ERC1: variants seen among roughly 807,000 people sequenced by gnomAD.
The protein encoded by ERC1 is ELKS/RAB6-interacting/CAST family member 1.
ERC1 carries 56 observed loss-of-function variants against 132.0 expected under a neutral mutation model. The observed-to-expected ratio is 0.42, with a 90% CI of 0.34 to 0.53. ERC1 has a LOEUF of 0.53. Among genes scored for constraint, ERC1 ranks in the 20% least tolerant of loss-of-function variants. The pLI, the probability that ERC1 is intolerant of heterozygous loss-of-function variation, is 0.03. For missense variants in ERC1, 1,202 were observed against 1,349.9 expected (o/e 0.89, Z 1.72); for synonymous variants, 478 against 476.1 (o/e 1.00, Z -0.05).
intron 17 of ERC1, among the ~76,000 whole-genome samples, chr12:1,438,954 A>AAAAAAATATATAT (rs1015181197): frequency 2.8e-5 from 4 of 143,492 alleles, no homozygotes; most frequent in African/African-American, 7.9e-5. Flanking sequence ...TTTAAAAAAA[A>AAAAAAATATATAT]ATATATATAT....
At chr12:1,357,535 C>CT (rs983755143) in intron 15 of ERC1, among the ~76,000 whole-genome samples, 2 of 152,148 alleles carry the variant, frequency 1.3e-5, no homozygotes, top group Non-Finnish European at 2.9e-5. Context: ...ACTTTATTTA[C>CT]TTTTGGAGAC....
At chr12:1,298,469 G>C (rs1216868528) in intron 15 of ERC1, among the ~76,000 whole-genome samples, 1 of 151,148 alleles carries the variant, frequency 6.6e-6, no homozygotes, top group African/African-American at 2.4e-5. Context: ...CTTGAACCTG[G>C]GAGGCAGAGG....
intron 2 of ERC1, among the ~76,000 whole-genome samples, chr12:1,072,900 C>T (rs1940658797): frequency 6.6e-6 from 1 of 152,176 alleles, no homozygotes; most frequent in African/African-American, 2.4e-5. Context: ...ACCATGTTGG[C>T]TATGCTGGTC....
chr12:1,443,701 G>C (rs1193047919), intron 17 of ERC1: 1 of 152,318 alleles, frequency 6.6e-6, no homozygotes, highest in Non-Finnish European at 1.5e-5. Context: ...GCTTTGACCA[G>C]CTACCAAATA....
At chr12:1,421,348 G>A (rs2092421681) in intron 17 of ERC1, among the ~76,000 whole-genome samples, 1 of 152,166 alleles carries the variant, frequency 6.6e-6, no homozygotes, top group Non-Finnish European at 1.5e-5. Flanking sequence ...CAGAGGACGA[G>A]AGATATTTCT....
chr12:1,337,614 T>G (rs2083424114), intron 15 of ERC1, among the ~76,000 whole-genome samples: 2 of 152,174 alleles, frequency 1.3e-5, no homozygotes, highest in East Asian at 3.8e-4. Flanking sequence ...CAGACTTGTT[T>G]GTGTGGTTGC....
chr12:1,384,395 T>C (rs2089078190), intron 16 of ERC1, among the ~76,000 whole-genome samples: 1 of 152,206 alleles, frequency 6.6e-6, no homozygotes, highest in Admixed American at 6.5e-5. Flanking sequence ...CGAAAATCTG[T>C]GTGCTCATAA....
intron 16 of ERC1, among the ~76,000 whole-genome samples, chr12:1,376,640 G>A (rs915663762): frequency 1.3e-5 from 2 of 152,214 alleles, no homozygotes; most frequent in Non-Finnish European, 2.9e-5. Context: ...AGAAGACTAA[G>A]CGGTGGAGCT....
intron 17 of ERC1, among the ~76,000 whole-genome samples, chr12:1,436,663 C>T (rs1327784626): frequency 6.6e-6 from 1 of 152,046 alleles, no homozygotes; most frequent in Non-Finnish European, 1.5e-5. Flanking sequence ...GCAGCAGTTA[C>T]AGCACGTGAG....
intron 14 of ERC1, among the ~76,000 whole-genome samples, chr12:1,275,813 T>C (rs958070520): frequency 3.3e-5 from 5 of 152,206 alleles, no homozygotes; most frequent in African/African-American, 1.2e-4. Flanking sequence ...AGGAGCATGA[T>C]GCCCGCATCT....
At chr12:1,066,820 G>C (rs1203854678) in intron 2 of ERC1, among the ~76,000 whole-genome samples, 8 of 133,324 alleles carry the variant, frequency 6.0e-5, no homozygotes, top group African/African-American at 2.3e-4. Flanking sequence ...CTGGGCAACA[G>C]AGCGAGACTC....
intron 1 of ERC1, among the ~76,000 whole-genome samples, chr12:1,003,608 C>T (rs1197209357): frequency 4.6e-5 from 7 of 152,216 alleles, no homozygotes; most frequent in Admixed American, 1.3e-4. Flanking sequence ...AGATAGGAGA[C>T]GTCATTGTCT....
intron 14 of ERC1, among the ~76,000 whole-genome samples, chr12:1,271,363 T>C (rs1447974621): frequency 1.3e-5 from 2 of 152,134 alleles, no homozygotes; most frequent in African/African-American, 4.8e-5. Flanking sequence ...GTGAATTACA[T>C]GTATGGATAA....
At chr12:1,377,741 C>T (rs2088119190) in intron 16 of ERC1, among the ~76,000 whole-genome samples, 1 of 152,166 alleles carries the variant, frequency 6.6e-6, no homozygotes, top group Admixed American at 6.5e-5. Context: ...ATTATAGAAG[C>T]ATGGTGTACT....
rs185078863 is a variant in ERC1, at chr12:1,388,385, G to A, written c.2925+16408G>A. 5.3e-5 allele frequency among the ~76,000 whole-genome samples: 8 copies of A among 151,138 alleles called. No homozygotes were observed. In the East Asian group the frequency reaches 1.6e-3, roughly 29 times the overall value. ...AAAAAAAAATTAGCCTCATGAATGA[G>A]CTAGAAAAGGAGCTCTTAGGCAGAG... On this transcript the variant is annotated intron_variant, in intron 16 of 18. Coordinates refer to ENST00000360905, the MANE Select transcript of ERC1 (RefSeq NM_178040.4).
intron 1 of ERC1, among the ~76,000 whole-genome samples, chr12:997,346 G>A (rs139925356): frequency 2.2e-4 from 33 of 152,292 alleles, no homozygotes; most frequent in Admixed American, 1.8e-3. Flanking sequence ...TGGAAAGTAC[G>A]AACATATGTG....
chr12:1,070,499 T>C (rs1416435225), intron 2 of ERC1, among the ~76,000 whole-genome samples: 1 of 152,018 alleles, frequency 6.6e-6, no homozygotes, highest in African/African-American at 2.4e-5. Context: ...TTGCCCAGGC[T>C]GGTCTTGAAC....
intron 16 of ERC1, among the ~76,000 whole-genome samples, chr12:1,399,119 T>A (rs1378019245): frequency 2.0e-5 from 3 of 151,542 alleles, no homozygotes; most frequent in Non-Finnish European, 2.9e-5. Flanking sequence ...CCAGCAATTT[T>A]TTTTTATTTT....
intron 4 of ERC1, among the ~76,000 whole-genome samples, chr12:1,105,902 A>C (rs892680760): frequency 1.3e-5 from 2 of 152,208 alleles, no homozygotes; most frequent in Non-Finnish European, 2.9e-5. Flanking sequence ...AAGTGACATC[A>C]TGGTATTATT....
Sources: gnomAD v4.1 joint callset for allele counts (sites outside exome capture counted in the v4.1 genomes callset) on GRCh38, gnomAD v4.1.1 for gene constraint, MANE v1.5 for transcripts, NCBI Gene and HGNC (gene_info 2026-07-23, HGNC 2026-07-21) for gene names.